The following GFI1B variants were observed in gnomAD, a reference collection of about 807,000 sequenced individuals.
GFI1B encodes zinc finger protein Gfi-1b.
GFI1B carries 20 observed loss-of-function variants against 35.3 expected under a neutral mutation model. The ratio of observed to expected loss-of-function variants is 0.57; its 90% confidence interval spans 0.40 to 0.82. GFI1B has a LOEUF of 0.82. GFI1B is among the 40% of genes least tolerant of loss of function. The pLI, the probability that GFI1B is intolerant of heterozygous loss-of-function variation, is 0.00. For synonymous variants in GFI1B, 178 were observed against 177.6 expected (o/e 1.00, Z -0.02); for missense variants, 430 against 446.3 (o/e 0.96, Z 0.33).
At chr9:132,962,232 A>G (rs1848378998) in intron 1 of GFI1B, among the ~76,000 whole-genome samples, 4 of 149,324 alleles carry the variant, frequency 2.7e-5, no homozygotes, top group South Asian at 2.1e-4. Context: ...CCACCTCCTG[A>G]GTTCAAGCAG....
At chr9:132,963,633 G>A (rs1848403840) in intron 1 of GFI1B, 1 of 151,988 alleles carries the variant, frequency 6.6e-6, no homozygotes, top group Non-Finnish European at 1.5e-5. Context: ...GATTACAGGT[G>A]TGAGCCACTG....
At chr9:132,945,627 G>C (rs142863012) in exon 1 of GFI1B, 1 of 154,186 alleles carries the variant, frequency 6.5e-6, no homozygotes, top group African/African-American at 2.4e-5. Flanking sequence ...AGATGAAGTC[G>C]AACTGTGGGA....
At chr9:132,950,280 TGTGATCTCCACCA>T (rs1397177790) in intron 1 of GFI1B, among the ~76,000 whole-genome samples, 1 of 152,036 alleles carries the variant, frequency 6.6e-6, no homozygotes, top group Non-Finnish European at 1.5e-5. Context: ...TCAACTCCAA[TGTGATCTCCACCA>T]GGAAGTCTTT....
rs745522992 is a variant in GFI1B at position 132,990,966 on chromosome 9, C to T, written c.909C>T (p.Pro303=). 1 of 1,614,210 alleles carries T rather than the reference C, an allele frequency of 6.2e-7. No homozygotes were observed. Among genetic ancestry groups the T allele is most frequent in the Admixed American group, 1.7e-5 (1 of 60,034 alleles). ...GCCGCAAGCACACAGGCTTCAAGCC[C>T]TTCAGCTGTGAGCTGTGCACCAAAG... ...THSRKHTGFK[P]FSCELCTKGF... is the part of the protein sequence containing the mutation. The change falls in exon 7 of 7, where the codon CCC becomes CCT. Residue 303 remains proline (P), a synonymous_variant. Coordinates refer to ENST00000372122, the MANE Select transcript of GFI1B (RefSeq NM_001377304.1).
At chr9:132,986,858 C>A in intron 2 of GFI1B, 80 bp downstream of exon 2, 1 of 835,220 alleles carries the variant, frequency 1.2e-6, no homozygotes, top group Non-Finnish European at 2.0e-6. Context: ...AGCAGCGTCC[C>A]TCCTGCAGCA....
intron 1 of GFI1B, among the ~76,000 whole-genome samples, chr9:132,965,870 A>G (rs1005230422): frequency 1.3e-5 from 2 of 152,262 alleles, no homozygotes; most frequent in African/African-American, 4.8e-5. Context: ...TGTCCACAGG[A>G]GCCATAAAAT....
At chr9:132,964,743 CTTTTT>C (rs71376675) in intron 1 of GFI1B, among the ~76,000 whole-genome samples, 11 of 107,956 alleles carry the variant, frequency 1.0e-4, no homozygotes, top group African/African-American at 2.8e-4. Context: ...ATTTTTCTTC[CTTTTT>C]TTTTTTTTTT....
At chr9:132,965,416 C>T (rs973322910) in intron 1 of GFI1B, among the ~76,000 whole-genome samples, 2 of 152,158 alleles carry the variant, frequency 1.3e-5, no homozygotes, top group Non-Finnish European at 2.9e-5. Flanking sequence ...TTGAGGAAAC[C>T]GTAGTGGGTT....
intron 1 of GFI1B, among the ~76,000 whole-genome samples, chr9:132,967,499 A>G (rs1848466834): frequency 6.6e-6 from 1 of 152,210 alleles, no homozygotes; most frequent in African/African-American, 2.4e-5. Flanking sequence ...ACACTCATGC[A>G]ATGCTTGCAA....
chr9:132,974,392 G>A (rs1848588309), upstream of GFI1B, among the ~76,000 whole-genome samples: 2 of 152,056 alleles, frequency 1.3e-5, no homozygotes, highest in Non-Finnish European at 2.9e-5. Context: ...TTGAGGTTAG[G>A]AGTTTGAGAC....
At chr9:132,990,738 T>C (rs952036223) in intron 6 of GFI1B, 134 bp from the exon 7 acceptor site, 21 of 739,296 alleles carry the variant, frequency 2.8e-5, no homozygotes, top group Non-Finnish European at 4.9e-5. Context: ...TTTTCTAAAG[T>C]GAATGTGAGT....
At chr9:132,973,008 G>A (rs1310489220) in intron 2 of GFI1B, among the ~76,000 whole-genome samples, 2 of 152,226 alleles carry the variant, frequency 1.3e-5, no homozygotes, top group African/African-American at 2.4e-5. Context: ...CAGCGCACTC[G>A]CAGCGGGACA....
At chr9:132,960,634 A>C (rs1420306281) in intron 1 of GFI1B, among the ~76,000 whole-genome samples, 3 of 151,848 alleles carry the variant, frequency 2.0e-5, no homozygotes, top group Non-Finnish European at 4.4e-5. Flanking sequence ...AGAGCTGGGA[A>C]TATGGGCATG....
upstream of GFI1B, among the ~76,000 whole-genome samples, chr9:132,978,284 A>G (rs1848693176): frequency 2.6e-5 from 4 of 151,592 alleles, no homozygotes; most frequent in South Asian, 6.3e-4. Flanking sequence ...GAAAGGAGGA[A>G]GAGAAGGAAG....
chr9:132,971,334 C>G (rs572550126), intron 1 of GFI1B, among the ~76,000 whole-genome samples: 7 of 152,134 alleles, frequency 4.6e-5, no homozygotes, highest in Non-Finnish European at 5.9e-5. Context: ...TTCCCTGTGT[C>G]CCCCCCACAC....
chr9:132,974,149 T>TTC (rs1848583531), upstream of GFI1B, among the ~76,000 whole-genome samples: 5 of 149,180 alleles, frequency 3.4e-5, no homozygotes, highest in Non-Finnish European at 6.0e-5. Context: ...TTCATTCATT[T>TTC]ATTCACTCTG....
upstream of GFI1B, among the ~76,000 whole-genome samples, chr9:132,974,815 A>G (rs1234315870): frequency 6.6e-6 from 1 of 152,168 alleles, no homozygotes; most frequent in African/African-American, 2.4e-5. Context: ...TCAGAGAGTT[A>G]GGCCATCCAG....
intron 1 of GFI1B, among the ~76,000 whole-genome samples, chr9:132,947,412 C>CAAAA (rs35035214): frequency 3.1e-5 from 3 of 95,934 alleles, no homozygotes; most frequent in African/African-American, 9.8e-5. Context: ...TTTAATCGAG[C>CAAAA]AAAAAAAAAA....
intron 2 of GFI1B, among the ~76,000 whole-genome samples, chr9:132,973,429 G>A (rs1444889544): frequency 6.6e-6 from 1 of 152,218 alleles, no homozygotes; most frequent in Non-Finnish European, 1.5e-5. Context: ...GCTGAGGCCC[G>A]GCCCACGCCC....
Sources: gnomAD v4.1 joint callset for allele counts (sites outside exome capture counted in the v4.1 genomes callset) on GRCh38, gnomAD v4.1.1 for gene constraint, MANE v1.5 for transcripts, NCBI Gene and HGNC (gene_info 2026-07-23, HGNC 2026-07-21) for gene names.